ZKSCAN1: variants seen among roughly 807,000 people sequenced by gnomAD.
The protein encoded by ZKSCAN1 is zinc finger protein with KRAB and SCAN domains 1.
Under a neutral mutation model 51.6 loss-of-function variants are expected in ZKSCAN1, and 14 were observed. The ratio of observed to expected loss-of-function variants is 0.27; its 90% confidence interval spans 0.18 to 0.42. The LOEUF (loss-of-function observed/expected upper bound fraction) is 0.42. Ranked by LOEUF, ZKSCAN1 falls within the 10% of genes least tolerant of loss-of-function variation. The pLI is 1.00. For synonymous variants in ZKSCAN1, 263 were observed against 261.5 expected (o/e 1.01, Z -0.06); for missense variants, 531 against 710.0 (o/e 0.75, Z 2.86).
At chr7:100,043,821 T>A (rs189468128), downstream of ZKSCAN1, among the ~76,000 whole-genome samples, 55 of 129,440 alleles carry the variant, frequency 4.2e-4, no homozygotes, top group African/African-American at 1.5e-3. Context: ...CTCTCTCTGT[T>A]GCCCAAGCTG....
Position 100,038,037 on chromosome 7 carries a change from G to A in ZKSCAN1, c.*3840G>A, listed in dbSNP as rs565245914. 1.2e-5 allele frequency: 12 copies of A among 984,682 alleles called. No individual in the cohort carries two copies. The highest frequency in any genetic ancestry group is 4.7e-5 in the South Asian group (1 of 21,264). The allele number at this position is 984,682 out of a possible 1,614,324, so 61.0% of individuals were successfully genotyped here. A position where few individuals can be genotyped will look rare whatever the true frequency, so the allele number is the denominator to read the frequency against. ...GCTCTGTATCAAAAAAAAAAGTTGC[G>A]GGGGGGTGCTCAATCTTAACTGCAG... On this transcript the variant is annotated 3_prime_UTR_variant, in exon 6 of 6. Transcript: ENST00000324306.
intron 3 of ZKSCAN1, chr7:100,024,771 A>G (rs1790746321): frequency 6.4e-6 from 1 of 156,550 alleles, no homozygotes; most frequent in Admixed American, 6.2e-5. Context: ...ATGGTGGCAC[A>G]TTCCTGTAAT....
rs141574099 is a variant in ZKSCAN1, at chr7:100,023,800, T to C, written c.294T>C (p.Leu98=). ...ACACCAAGGAACAGATCCTGGAGCTTCTGGTGCTAGAGCAGTTTCTTTCCA... is the reference window on the plus strand; with the variant it reads ...ACACCAAGGAACAGATCCTGGAGCTCCTGGTGCTAGAGCAGTTTCTTTCCA... ...EINTKEQILE[L]LVLEQFLSIL... The change falls in exon 2 of 6, where the codon CTT becomes CTC. Residue 98 remains leucine (L), a synonymous_variant. Transcript: ENST00000324306. 1 of 1,614,168 alleles carries C rather than the reference T, an allele frequency of 6.2e-7. No homozygotes were observed. The highest frequency in any genetic ancestry group is 8.5e-7 in the Non-Finnish European group (1 of 1,180,036).
rs974560412 is a variant in ZKSCAN1, at chr7:100,035,799, G to C, written c.*1602G>C. The C allele has an allele frequency of 1.0e-6, 1 of 977,654 alleles. No homozygotes were observed. The highest frequency in any genetic ancestry group is 1.8e-5 in the African/African-American group (1 of 57,050). The allele number at this position is 977,654 out of a possible 1,614,324, so 60.6% of individuals were successfully genotyped here. A position where few individuals can be genotyped will look rare whatever the true frequency, so the allele number is the denominator to read the frequency against. Reference sequence around the variant, plus strand: ...CATTGGTCCCATCGTTGTGCGCAGGGTGCAACTGGCTACCTAGAAGCTGAT... The same window carrying C: ...CATTGGTCCCATCGTTGTGCGCAGGCTGCAACTGGCTACCTAGAAGCTGAT... On this transcript the variant is annotated 3_prime_UTR_variant, in exon 6 of 6. Coordinates refer to ENST00000324306, the MANE Select transcript of ZKSCAN1 (RefSeq NM_003439.4).
chr7:100,017,291 C>T (rs778213076), intron 1 of ZKSCAN1, among the ~76,000 whole-genome samples: 2 of 152,040 alleles, frequency 1.3e-5, no homozygotes, highest in African/African-American at 2.4e-5. Flanking sequence ...GGTGCGATCT[C>T]GGCTTACTGC....
At chr7:100,025,528 T>C (rs1205162370) in intron 3 of ZKSCAN1, among the ~76,000 whole-genome samples, 1 of 152,222 alleles carries the variant, frequency 6.6e-6, no homozygotes, top group African/African-American at 2.4e-5. Context: ...AAAATCAAAG[T>C]ATGTGCTTAG....
intron 5 of ZKSCAN1, among the ~76,000 whole-genome samples, chr7:100,031,624 TGTCA>T (rs1021896441): frequency 1.2e-4 from 18 of 152,260 alleles, no homozygotes; most frequent in Non-Finnish European, 1.5e-4. Context: ...AGTTATTCTG[TGTCA>T]GTCAGTGAAG....
Position 100,041,032 on chromosome 7 carries a change from A to G in ZKSCAN1, c.*6835A>G. On this transcript the variant is annotated 3_prime_UTR_variant, in exon 6 of 6. Transcript: ENST00000324306. ...TAATTATTTTAAAATGAACATATGTATTTTTATTAACTTTTAGTTAAATAC... is the reference window on the plus strand; with the variant it reads ...TAATTATTTTAAAATGAACATATGTGTTTTTATTAACTTTTAGTTAAATAC... 1.0e-6 allele frequency: 1 copy of G among 983,120 alleles called. No homozygotes were observed. The highest frequency in any genetic ancestry group is 1.2e-6 in the Non-Finnish European group (1 of 827,878). 60.9% of individuals were successfully genotyped at this position (983,120 alleles called of 1,614,324 possible).
At position 100,039,026 on chromosome 7, in the gene ZKSCAN1, G is replaced by T; in HGVS notation, c.*4829G>T. The stretch of plus-strand genomic sequence containing the variant: ...AAAAAAAAGGTTGGGGGGAGGATAG[G>T]ACTGGCCAGGCACGGTGGCTCACTC... On this transcript the variant is annotated 3_prime_UTR_variant, in exon 6 of 6. Transcript: ENST00000324306. 1 of 153,652 alleles carries T rather than the reference G, an allele frequency of 6.5e-6. No homozygotes were observed. Among genetic ancestry groups the T allele is most frequent in the Non-Finnish European group, 1.4e-5 (1 of 70,638 alleles). 9.5% of individuals were successfully genotyped at this position (153,652 alleles called of 1,614,324 possible). A position where few individuals can be genotyped will look rare whatever the true frequency, so the allele number is the denominator to read the frequency against.
chr7:100,033,790 G>C lies in ZKSCAN1; in HGVS notation c.1285G>C (p.Gly429Arg). 6.2e-7 allele frequency: 1 copy of C among 1,614,208 alleles called. No homozygotes were observed. The highest frequency in any genetic ancestry group is 8.5e-7 in the Non-Finnish European group (1 of 1,180,046). Residue 429 changes from glycine (G) to arginine (R), a missense_variant, in exon 6 of 6, where the codon GGA becomes CGA. By Grantham distance (125) the Gly-to-Arg change is moderately radical. Transcript: ENST00000324306. This position sits in a 1 kb window ranked among gnomAD's most constrained non-coding sequence, Gnocchi z 4.1. ...TGTCCTGCATCAGAGGATCCACACA[G>C]GAGAGAAACCTCATGAATGTAACGA... ...NLVLHQRIHT[G>R]EKPHECNECG...
In ZKSCAN1 at chr7:100,038,459, G is replaced by A. The variant is rs1228442710; in HGVS notation, c.*4262G>A. On this transcript the variant is annotated 3_prime_UTR_variant, in exon 6 of 6. Coordinates refer to ENST00000324306, the MANE Select transcript of ZKSCAN1 (RefSeq NM_003439.4). ...AGACAGGCTAATGGGGCACTGAAATGGAACAACTCCTTTAAACGTGCAGCC... is the reference window on the plus strand; with the variant it reads ...AGACAGGCTAATGGGGCACTGAAATAGAACAACTCCTTTAAACGTGCAGCC... 7 of 985,036 alleles carry A rather than the reference G, an allele frequency of 7.1e-6. No homozygotes were observed. In the African/African-American group the frequency reaches 1.0e-4, roughly 15 times the overall value. 61.0% of individuals were successfully genotyped at this position (985,036 alleles called of 1,614,324 possible). A position where few individuals can be genotyped will look rare whatever the true frequency, so the allele number is the denominator to read the frequency against.
chr7:100,030,449 G>T, intron 5 of ZKSCAN1, 74 bp downstream of exon 5: 4 of 1,527,984 alleles, frequency 2.6e-6, no homozygotes, highest in Non-Finnish European at 2.7e-6. Flanking sequence ...GATCTCTGAT[G>T]TGTTCAATTG....
intron 3 of ZKSCAN1, among the ~76,000 whole-genome samples, chr7:100,027,851 G>A (rs183921167): frequency 1.2e-3 from 186 of 151,400 alleles, no homozygotes; most frequent in African/African-American, 4.1e-3. Flanking sequence ...GTCACAGGGC[G>A]ACCTTAGGAA....
At position 100,036,027 on chromosome 7, in the gene ZKSCAN1, T is replaced by G; in HGVS notation, c.*1830T>G. 1 of 985,442 alleles carries G rather than the reference T, an allele frequency of 1.0e-6. No individual in the cohort carries two copies. The highest frequency in any genetic ancestry group is 1.2e-6 in the Non-Finnish European group (1 of 829,930). 61.0% of individuals were successfully genotyped at this position (985,442 alleles called of 1,614,324 possible). On this transcript the variant is annotated 3_prime_UTR_variant, in exon 6 of 6. Coordinates refer to ENST00000324306, the MANE Select transcript of ZKSCAN1 (RefSeq NM_003439.4). ...AGTTTGAGACTTTCCCTTGAGAAACTTATACTAAAACTATTACTCATCAGT... is the reference window on the plus strand; with the variant it reads ...AGTTTGAGACTTTCCCTTGAGAAACGTATACTAAAACTATTACTCATCAGT...
Position 100,038,304 on chromosome 7 carries a change from C to T in ZKSCAN1, c.*4107C>T, listed in dbSNP as rs1791449982. The T allele has an allele frequency of 1.0e-6, 1 of 985,362 alleles. No individual in the cohort carries two copies. Among genetic ancestry groups the T allele is most frequent in the Non-Finnish European group, 1.2e-6 (1 of 829,938 alleles). 61.0% of individuals were successfully genotyped at this position (985,362 alleles called of 1,614,324 possible). On this transcript the variant is annotated 3_prime_UTR_variant, in exon 6 of 6. Coordinates refer to ENST00000324306, the MANE Select transcript of ZKSCAN1 (RefSeq NM_003439.4). Reference sequence around the variant, plus strand: ...ACTCAGAAAAAGTGAAGTTTCAGAGCAAACAGTGAAGAAATCAGTGTGATT... The same window carrying T: ...ACTCAGAAAAAGTGAAGTTTCAGAGTAAACAGTGAAGAAATCAGTGTGATT...
intron 1 of ZKSCAN1, among the ~76,000 whole-genome samples, chr7:100,017,348 G>C (rs1219750859): frequency 1.3e-5 from 2 of 151,976 alleles, no homozygotes; most frequent in Non-Finnish European, 2.9e-5. Flanking sequence ...TCCGCCTCCC[G>C]AATAGCTGGG....
intron 2 of ZKSCAN1, 74 bp downstream of exon 2, chr7:100,024,006 A>G (rs746239774): frequency 4.6e-6 from 7 of 1,522,706 alleles, no homozygotes; most frequent in Non-Finnish European, 6.1e-6. Flanking sequence ...AAGTATTGGC[A>G]GGCTTTAGGT....
chr7:100,036,169 TAAAC>T lies in ZKSCAN1; in HGVS notation c.*1973_*1976del, dbSNP rs1791355713. The T allele has an allele frequency of 1.0e-6, 1 of 985,254 alleles. No individual in the cohort carries two copies. The highest frequency in any genetic ancestry group is 1.7e-5 in the African/African-American group (1 of 57,218). 61.0% of individuals were successfully genotyped at this position (985,254 alleles called of 1,614,324 possible). A position where few individuals can be genotyped will look rare whatever the true frequency, so the allele number is the denominator to read the frequency against. ...TTGGCCTCTCCTTGGCTTTATGACT[TAAAC>T]CAACTACAACTTCCCTATAGCTTCT... On this transcript the variant is annotated 3_prime_UTR_variant, in exon 6 of 6. Coordinates refer to ENST00000324306, the MANE Select transcript of ZKSCAN1 (RefSeq NM_003439.4).
In ZKSCAN1 at chr7:100,027,543, G is replaced by T. The variant is rs145600132; in HGVS notation, c.581-2318G>T. ...AGGCAGGAGGATCACAAGGTCAGGA[G>T]ATTGAGACCATCCTGGCTAACGGTG... On this transcript the variant is annotated intron_variant, in intron 3 of 5. Transcript: ENST00000324306. 2.7e-3 allele frequency among the ~76,000 whole-genome samples: 411 copies of T among 151,858 alleles called. 8 individuals carry two copies. Among genetic ancestry groups the T allele is most frequent in the East Asian group, 7.1e-3 (36 of 5,080 alleles).
Sources: gnomAD v4.1 joint callset for allele counts (sites outside exome capture counted in the v4.1 genomes callset) on GRCh38, gnomAD v4.1.1 for gene constraint, Gnocchi (gnomAD v3.1) non-coding constraint, MANE v1.5 for transcripts, NCBI Gene and HGNC (gene_info 2026-07-23, HGNC 2026-07-21) for gene names.